Variants in NUP214 observed in about 807,000 individuals in gnomAD.
NUP214 encodes the protein nuclear pore complex protein Nup214.
Under a neutral mutation model 196.2 loss-of-function variants are expected in NUP214, and 79 were observed. The observed-to-expected ratio is 0.40, with a 90% confidence interval of 0.34 to 0.49. The LOEUF is 0.49. NUP214 is among the 20% of genes least tolerant of loss of function. The probability of loss-of-function intolerance (pLI) is 0.58; values close to 1 mark genes in which losing one functional copy is unlikely to be tolerated. For synonymous variants in NUP214, 1,020 were observed against 990.5 expected (o/e 1.03, Z -0.56); for missense variants, 2,468 against 2,539.0 (o/e 0.97, Z 0.60).
At chr9:131,192,414 G>T in intron 27 of NUP214, 122 bp downstream of exon 27, 1 of 534,584 alleles carries the variant, frequency 1.9e-6, no homozygotes. Flanking sequence ...TACCGTGGCA[G>T]TAATACATGT....
At chr9:131,228,843 G>A (rs2131106944) in intron 33 of NUP214, 1 of 152,498 alleles carries the variant, frequency 6.6e-6, no homozygotes, top group Admixed American at 6.5e-5. Context: ...GATCCTGGAT[G>A]ATCAGGGATT....
At chr9:131,131,742 G>A (rs1007537910) in intron 5 of NUP214, among the ~76,000 whole-genome samples, 1 of 151,836 alleles carries the variant, frequency 6.6e-6, no homozygotes, top group African/African-American at 2.4e-5. Flanking sequence ...GGGGTGCAAT[G>A]GTGTGATAAC....
Position 131,232,559 on chromosome 9 carries a change from C to A in NUP214, c.6239+251C>A. 1 of 575,928 alleles carries A rather than the reference C, an allele frequency of 1.7e-6. No homozygotes were observed. The highest frequency in any genetic ancestry group is 3.0e-5 in the East Asian group (1 of 33,706). 35.7% of individuals were successfully genotyped at this position (575,928 alleles called of 1,614,324 possible). ...TTCAAAGAGAAAAGAGCACGCCTGC[C>A]AGTGAGCTGGGCCTGAGGGCAGCGC... On this transcript the variant is annotated intron_variant, in intron 35 of 35. Transcript: ENST00000359428. This position sits in a 1 kb window ranked among gnomAD's most constrained non-coding sequence, Gnocchi z 5.1.
intron 30 of NUP214, among the ~76,000 whole-genome samples, chr9:131,207,521 AAG>A (rs1327882387): frequency 6.6e-6 from 1 of 152,220 alleles, no homozygotes; most frequent in Non-Finnish European, 1.5e-5. Flanking sequence ...CATTCCAAGA[AAG>A]AGGAAGAGCC....
chr9:131,210,656 T>C (rs538979555), intron 30 of NUP214, among the ~76,000 whole-genome samples: 2 of 151,910 alleles, frequency 1.3e-5, no homozygotes, highest in South Asian at 4.1e-4. Context: ...CAAGTCGTTA[T>C]CTGTATTTGA....
chr9:131,215,456 A>T, intron 31 of NUP214, 88 bp downstream of exon 31: 3 of 1,268,920 alleles, frequency 2.4e-6, no homozygotes, highest in Non-Finnish European at 3.1e-6. Flanking sequence ...TGACAAATAT[A>T]AAAAGAAAAA....
At chr9:131,190,282 T>C (rs1028915358) in intron 26 of NUP214, 2 of 531,062 alleles carry the variant, frequency 3.8e-6, no homozygotes, top group African/African-American at 4.0e-5. Flanking sequence ...AAAGATCATA[T>C]ACTCTTTTTT....
intron 30 of NUP214, among the ~76,000 whole-genome samples, chr9:131,205,717 C>A (rs182100268): frequency 2.0e-5 from 3 of 152,118 alleles, no homozygotes; most frequent in Non-Finnish European, 4.4e-5. Context: ...GTTTTTGAGA[C>A]GGAGCCTTAC....
intron 21 of NUP214, 38 bp from the exon 22 acceptor site, chr9:131,174,017 G>C: frequency 6.3e-7 from 1 of 1,598,370 alleles, no homozygotes; most frequent in Non-Finnish European, 8.5e-7. Context: ...GGCTTGCTTT[G>C]AGTTGTCTAA....
chr9:131,153,605 G>GGA (rs1295881810), intron 17 of NUP214, among the ~76,000 whole-genome samples: 2 of 152,114 alleles, frequency 1.3e-5, no homozygotes, highest in Non-Finnish European at 2.9e-5. Flanking sequence ...ACAGCTTTAG[G>GGA]GAGACACTTA....
At chr9:131,209,946 T>A (rs1458253034) in intron 30 of NUP214, among the ~76,000 whole-genome samples, 1 of 152,198 alleles carries the variant, frequency 6.6e-6, no homozygotes, top group African/African-American at 2.4e-5. Flanking sequence ...TACAGACCAA[T>A]AACCTAAAAC....
intron 27 of NUP214, among the ~76,000 whole-genome samples, chr9:131,195,029 C>A (rs1037812083): frequency 6.6e-6 from 1 of 152,228 alleles, no homozygotes; most frequent in African/African-American, 2.4e-5. Context: ...TGTCGTATCT[C>A]ACACACAAAC....
intron 27 of NUP214, among the ~76,000 whole-genome samples, chr9:131,192,860 G>C (rs1482197997): frequency 6.9e-6 from 1 of 145,612 alleles, no homozygotes; most frequent in East Asian, 2.1e-4. Flanking sequence ...AGGATCCCTT[G>C]AGCCCGGGAG....
chr9:131,162,771 G>A, intron 18 of NUP214: 1 of 546,820 alleles, frequency 1.8e-6, no homozygotes, highest in Non-Finnish European at 3.2e-6. Context: ...TACAGGACTG[G>A]CCTGCCTGTT....
Position 131,146,032 on chromosome 9 carries a change from A to G in NUP214, c.1770-97A>G. The stretch of plus-strand genomic sequence containing the variant: ...GTATGTTATCTTTGTAAGTTAACAT[A>G]AAAGATAATAAGTTATCTTTTGATG... On this transcript the variant is annotated intron_variant, in intron 12 of 35. Coordinates refer to ENST00000359428, the MANE Select transcript of NUP214 (RefSeq NM_005085.4). This position sits in a 1 kb window ranked among gnomAD's most constrained non-coding sequence, Gnocchi z 4.6. 8.6e-7 allele frequency: 1 copy of G among 1,161,112 alleles called. No individual in the cohort carries two copies. The highest frequency in any genetic ancestry group is 1.2e-6 in the Non-Finnish European group (1 of 815,506). 71.9% of individuals were successfully genotyped at this position (1,161,112 alleles called of 1,614,324 possible). A position where few individuals can be genotyped will look rare whatever the true frequency, so the allele number is the denominator to read the frequency against.
chr9:131,161,458 C>T (rs1211720155), intron 18 of NUP214, among the ~76,000 whole-genome samples: 1 of 152,076 alleles, frequency 6.6e-6, no homozygotes, highest in Non-Finnish European at 1.5e-5. Flanking sequence ...GGGGTTTCAC[C>T]ATGTTGGTTA....
intron 34 of NUP214, among the ~76,000 whole-genome samples, chr9:131,231,357 A>G (rs1834873107): frequency 6.6e-6 from 1 of 151,958 alleles, no homozygotes; most frequent in South Asian, 2.1e-4. Flanking sequence ...AGGCCCGGCT[A>G]ATTTTTTGTG....
At chr9:131,230,455 A>C in intron 33 of NUP214, 175 bp from the exon 34 acceptor site, 1 of 647,678 alleles carries the variant, frequency 1.5e-6, no homozygotes, top group Non-Finnish European at 2.6e-6. Context: ...CAGAGATAAA[A>C]GTTGGCCCTG....
chr9:131,197,942 C>G lies in NUP214; in HGVS notation c.4448C>G (p.Pro1483Arg), dbSNP rs776469572. The change falls in exon 29 of 36, where the codon CCC becomes CGC. Residue 1483 changes from proline (P) to arginine (R), a missense_variant. Coordinates refer to ENST00000359428, the MANE Select transcript of NUP214 (RefSeq NM_005085.4). ...AGCCTCCTGAGTTCAGCAACTACCCCCTCCCTGCCTATGTCCGCTGGCAGA... is the reference window on the plus strand; with the variant it reads ...AGCCTCCTGAGTTCAGCAACTACCCGCTCCCTGCCTATGTCCGCTGGCAGA... Reference protein sequence around the residue: ...FGSLLSSATTPSLPMSAGRST... With the variant: ...FGSLLSSATTRSLPMSAGRST... 2.2e-5 allele frequency: 35 copies of G among 1,614,082 alleles called. No individual in the cohort carries two copies. In the East Asian group the frequency reaches 2.2e-4, roughly 10 times the overall value.
Sources: allele counts gnomAD v4.1 joint callset (sites outside exome capture counted in the v4.1 genomes callset), GRCh38; gene constraint gnomAD v4.1.1; non-coding constraint Gnocchi (gnomAD v3.1); transcripts MANE v1.5; gene names NCBI Gene and HGNC (gene_info 2026-07-23, HGNC 2026-07-21).